Variants in DUS2 observed in about 807,000 individuals in gnomAD.
DUS2 encodes the protein dihydrouridine synthase 2.
A neutral mutation model predicts 71.3 loss-of-function variants in DUS2; 52 were observed. The observed-to-expected ratio is 0.73, with a 90% CI of 0.58 to 0.92. The LOEUF is 0.92. Ranked by LOEUF, DUS2 falls within the 40% of genes least tolerant of loss-of-function variation. DUS2 has a pLI of 0.00. For missense variants in DUS2, 558 were observed against 622.6 expected, an observed-to-expected ratio of 0.90 and a Z score of 1.10; for synonymous variants, 204 against 227.8, an observed-to-expected ratio of 0.90 and a Z score of 0.94.
chr16:68,066,868 G>T (rs1187681898), intron 10 of DUS2, among the ~76,000 whole-genome samples: 2 of 152,106 alleles, frequency 1.3e-5, no homozygotes, highest in Non-Finnish European at 1.5e-5. Context: ...AGGTACTGAG[G>T]TTTAGAGACA....
intron 3 of DUS2, among the ~76,000 whole-genome samples, chr16:68,047,346 G>C (rs983080548): frequency 6.6e-6 from 1 of 152,030 alleles, no homozygotes; most frequent in Non-Finnish European, 1.5e-5. Flanking sequence ...GAGCTGCCGC[G>C]TCTGGCCTCT....
chr16:68,057,259 GAGAA>G (rs1452393950), intron 7 of DUS2, among the ~76,000 whole-genome samples: 2 of 145,252 alleles, frequency 1.4e-5, no homozygotes, highest in African/African-American at 5.1e-5. Context: ...GAGAGAGAGA[GAGAA>G]AGAGAGAGAG....
At chr16:68,077,440 T>A (rs2151427615) in intron 15 of DUS2, 1 of 152,306 alleles carries the variant, frequency 6.6e-6, no homozygotes, top group South Asian at 2.1e-4. Context: ...TAGGCTGCAG[T>A]GCAGTGGCAT....
chr16:68,055,094 C>T (rs1403420341), intron 6 of DUS2, among the ~76,000 whole-genome samples: 1 of 151,892 alleles, frequency 6.6e-6, no homozygotes, highest in Non-Finnish European at 1.5e-5. Flanking sequence ...AAGGGCTGGC[C>T]TGGGACTCAT....
At chr16:68,060,018 G>C (rs2033917642) in intron 7 of DUS2, among the ~76,000 whole-genome samples, 1 of 152,150 alleles carries the variant, frequency 6.6e-6, no homozygotes, top group Non-Finnish European at 1.5e-5. Context: ...GGACATTGTT[G>C]CTGGCAGAAG....
intron 3 of DUS2, 115 bp from the exon 4 acceptor site, chr16:68,049,390 G>GTTC (rs1049265578): frequency 4.7e-6 from 5 of 1,072,388 alleles, no homozygotes; most frequent in Non-Finnish European, 7.2e-6. Context: ...GCCGTGGTTT[G>GTTC]TTCTTGGTAG....
chr16:68,023,493 T>G, intron 1 of DUS2, 142 bp downstream of exon 1: 1 of 436,830 alleles, frequency 2.3e-6, no homozygotes, highest in East Asian at 4.0e-5. Context: ...GCGGAGGGCT[T>G]CTGGCGATTG....
chr16:68,059,455 C>A (rs2033908391), intron 7 of DUS2, among the ~76,000 whole-genome samples: 1 of 152,098 alleles, frequency 6.6e-6, no homozygotes, highest in Non-Finnish European at 1.5e-5. Context: ...GGGCTGGATA[C>A]GTGTGAGTGG....
chr16:68,034,054 C>G (rs2033480935), intron 2 of DUS2, among the ~76,000 whole-genome samples: 1 of 151,526 alleles, frequency 6.6e-6, no homozygotes. Context: ...AGGCGTGAGG[C>G]ACCTTGCCTG....
chr16:68,063,906 A>C (rs2151422947), intron 8 of DUS2, among the ~76,000 whole-genome samples: 1 of 152,206 alleles, frequency 6.6e-6, no homozygotes, highest in Non-Finnish European at 1.5e-5. Flanking sequence ...TATTTTTAGT[A>C]GGTACGGGGT....
chr16:68,071,528 C>A (rs2034087046), intron 12 of DUS2, among the ~76,000 whole-genome samples: 2 of 152,114 alleles, frequency 1.3e-5, no homozygotes, highest in African/African-American at 4.8e-5. Flanking sequence ...CCAAGAGGAG[C>A]AATTGAGAAA....
In DUS2 at chr16:68,075,576, G is replaced by T. The variant is rs1437419145; in HGVS notation, c.1082+72G>T. On this transcript the variant is annotated intron_variant, in intron 14 of 16. Transcript: ENST00000565263. ...GGGGTCCCACTGGGCCAGCACACTG[G>T]CTGCTGTATGTGCTTAATGTCAAAC... is the stretch of plus-strand genomic sequence containing the variant. The T allele has an allele frequency of 2.4e-5, 35 of 1,444,510 alleles. No homozygotes were observed. The East Asian group carries it at 8.3e-4, about 34-fold the overall frequency. The allele number at this position is 1,444,510 out of a possible 1,614,324, so 89.5% of individuals were successfully genotyped here.
chr16:68,052,578 T>A (rs772955393), intron 4 of DUS2, among the ~76,000 whole-genome samples: 1 of 152,172 alleles, frequency 6.6e-6, no homozygotes, highest in Non-Finnish European at 1.5e-5. Flanking sequence ...TTTGCTGAAC[T>A]TCAGAGTGAT....
intron 14 of DUS2, among the ~76,000 whole-genome samples, chr16:68,075,916 T>C (rs1469829020): frequency 6.6e-6 from 1 of 152,066 alleles, no homozygotes; most frequent in Non-Finnish European, 1.5e-5. Context: ...TCTGTGGTGC[T>C]CTCTCAAGCT....
chr16:68,055,154 G>C (rs2033834346), intron 6 of DUS2, among the ~76,000 whole-genome samples: 1 of 152,144 alleles, frequency 6.6e-6, no homozygotes, highest in Non-Finnish European at 1.5e-5. Context: ...ATATTGGGGG[G>C]AGCTGTTTTT....
Position 68,066,559 on chromosome 16 carries a change from T to C in DUS2, c.484-7T>C. ...CAGTAACCATCCTGTGTGGTCCTCCTCCTCAGCTAGAAGATACCCTGAGCC... is the reference window on the plus strand; with the variant it reads ...CAGTAACCATCCTGTGTGGTCCTCCCCCTCAGCTAGAAGATACCCTGAGCC... On this transcript the variant is annotated splice_region_variant and splice_polypyrimidine_tract_variant and intron_variant, in intron 9 of 16. Coordinates refer to ENST00000565263, the MANE Select transcript of DUS2 (RefSeq NM_017803.5). The C allele has an allele frequency of 6.2e-7, 1 of 1,614,148 alleles. No homozygotes were observed. The highest frequency in any genetic ancestry group is 8.5e-7 in the Non-Finnish European group (1 of 1,179,976).
chr16:68,024,772 T>A (rs1033867743), intron 1 of DUS2, among the ~76,000 whole-genome samples: 2 of 151,844 alleles, frequency 1.3e-5, no homozygotes, highest in African/African-American at 2.4e-5. Flanking sequence ...AGGGTAGTGG[T>A]TCTAAAACAA....
At chr16:68,066,511 A>G in intron 9 of DUS2, 55 bp from the exon 10 acceptor site, 1 of 1,597,814 alleles carries the variant, frequency 6.3e-7, no homozygotes, top group African/African-American at 1.3e-5. Flanking sequence ...TTTAGGAGGC[A>G]GCAGCTGCTC....
chr16:68,071,638 C>CTTT (rs377115620), intron 12 of DUS2, among the ~76,000 whole-genome samples: 19 of 135,420 alleles, frequency 1.4e-4, no homozygotes, highest in African/African-American at 4.4e-4. Flanking sequence ...TAGGGAATAG[C>CTTT]TTTTTTTTTT....
Sources: allele counts gnomAD v4.1 joint callset (sites outside exome capture counted in the v4.1 genomes callset), GRCh38; gene constraint gnomAD v4.1.1; transcripts MANE v1.5; gene names NCBI Gene and HGNC (gene_info 2026-07-23, HGNC 2026-07-21).